The following SMC6 variants were observed in gnomAD, a reference collection of about 807,000 sequenced individuals.
SMC6 encodes structural maintenance of chromosomes 6.
In SMC6, 79 loss-of-function variants were observed where a neutral mutation model predicts 142.2. The observed-to-expected ratio is 0.56, with a 90% CI of 0.46 to 0.67. The LOEUF (loss-of-function observed/expected upper bound fraction) is 0.67, where lower values mean the gene tolerates loss of function less well. SMC6 is among the 30% of genes least tolerant of loss of function. The pLI is 0.00. For synonymous variants in SMC6, 411 were observed against 412.4 expected (o/e 1.00, Z 0.04); for missense variants, 1,072 against 1,284.0 (o/e 0.83, Z 2.52).
At chr2:17,728,692 T>G (rs1401220373) in intron 7 of SMC6, among the ~76,000 whole-genome samples, 1 of 152,164 alleles carries the variant, frequency 6.6e-6, no homozygotes, top group African/African-American at 2.4e-5. Context: ...AAATATCCCC[T>G]TCCCTCCTGG....
rs541690331 is a variant in SMC6 at position 17,743,551 on chromosome 2, G to A, written c.121-1822C>T. On this transcript the variant is annotated intron_variant, in intron 3 of 27. Coordinates refer to ENST00000448223, the MANE Select transcript of SMC6 (RefSeq NM_001142286.2). ...CTCATTATCAACATCCACTATCAGC[G>A]TGGTACATGTGTTACAGATGATGAA... Among the ~76,000 whole-genome samples, 13 of 152,100 alleles carry A rather than the reference G, an allele frequency of 8.5e-5. No homozygotes were observed. The South Asian group carries it at 1.9e-3, about 22-fold the overall frequency.
At chr2:17,675,855 T>C (rs1194856825) in intron 25 of SMC6, among the ~76,000 whole-genome samples, 5 of 152,168 alleles carry the variant, frequency 3.3e-5, no homozygotes, top group Non-Finnish European at 7.4e-5. Flanking sequence ...TCTTTATATT[T>C]ACCTCACTTG....
At position 17,718,216 on chromosome 2, in the gene SMC6, A is replaced by T; in HGVS notation, c.953T>A (p.Leu318His). 6.3e-7 allele frequency: 1 copy of T among 1,584,376 alleles called. No individual in the cohort carries two copies. The highest frequency in any genetic ancestry group is 8.6e-7 in the Non-Finnish European group (1 of 1,168,690). The change falls in exon 12 of 28, where the codon CTT becomes CAT. Residue 318 changes from leucine (L) to histidine (H), a missense_variant. By Grantham distance (99) the Leu-to-His change is moderately conservative (BLOSUM62 -3). Transcript: ENST00000448223. Reference protein sequence around the residue: ...DRKMEEQQVRLNEAEQKYKDI... With the variant: ...DRKMEEQQVRHNEAEQKYKDI... ...CTTGTACTTTTGTTCTGCCTCATTA[A>T]GTCTGACCTTTAAGAAAATAACATT...
intron 4 of SMC6, among the ~76,000 whole-genome samples, chr2:17,739,562 T>C (rs533870043): frequency 6.6e-6 from 1 of 152,148 alleles, no homozygotes; most frequent in South Asian, 2.1e-4. Flanking sequence ...GGAGGATTAC[T>C]TGAACCTGGG....
At chr2:17,747,917 G>A (rs1670836235) in intron 2 of SMC6, among the ~76,000 whole-genome samples, 1 of 152,190 alleles carries the variant, frequency 6.6e-6, no homozygotes. Flanking sequence ...ACTCATAAGT[G>A]AATGAGAGTG....
intron 2 of SMC6, among the ~76,000 whole-genome samples, chr2:17,747,210 T>C (rs1368654742): frequency 2.0e-5 from 3 of 152,180 alleles, no homozygotes; most frequent in Non-Finnish European, 2.9e-5. Context: ...AAAGGAGGCC[T>C]AGTGGAAAGT....
intron 9 of SMC6, among the ~76,000 whole-genome samples, chr2:17,722,239 T>A (rs1669405786): frequency 1.3e-5 from 2 of 152,050 alleles, no homozygotes; most frequent in African/African-American, 4.8e-5. Flanking sequence ...CCCTCAACAA[T>A]CTACAAATCT....
Position 17,716,894 on chromosome 2 carries a change from G to T in SMC6, c.1193C>A (p.Ser398Tyr). The change falls in exon 14 of 28, where the codon TCT becomes TAT. Residue 398 changes from serine (S) to tyrosine (Y), a missense_variant. Around this residue, in one of 3 missense-constraint regions of SMC6, gnomAD observed 994 missense variants for 1,153.2 expected, o/e 0.86. Transcript: ENST00000448223. The part of the protein sequence containing the change: ...IEELKKSTDQ[S>Y]LEPERLERQK... ...TCTTTCCAACCGTTCAGGTTCCAAA[G>T]ATTGGTCAGTACTAACAGTAAATAA... 3 of 1,609,510 alleles carry T rather than the reference G, an allele frequency of 1.9e-6. No homozygotes were observed. The highest frequency in any genetic ancestry group is 2.5e-6 in the Non-Finnish European group (3 of 1,178,818).
chr2:17,687,961 A>G (rs1373052007), intron 23 of SMC6, among the ~76,000 whole-genome samples: 2 of 152,156 alleles, frequency 1.3e-5, no homozygotes, highest in Non-Finnish European at 2.9e-5. Flanking sequence ...TTCTGTAGAT[A>G]TATATTGTGG....
chr2:17,700,645 ATT>A (rs1668222603), intron 20 of SMC6, among the ~76,000 whole-genome samples: 1 of 152,298 alleles, frequency 6.6e-6, no homozygotes, highest in South Asian at 2.1e-4. Context: ...CATTCTATTC[ATT>A]TTTTCCAAAC....
intron 15 of SMC6, among the ~76,000 whole-genome samples, chr2:17,715,288 G>C (rs1669027929): frequency 6.6e-6 from 1 of 151,994 alleles, no homozygotes; most frequent in Non-Finnish European, 1.5e-5. Context: ...TATACCCATA[G>C]GATACAATGG....
intron 17 of SMC6, among the ~76,000 whole-genome samples, chr2:17,707,961 A>G (rs1250159040): frequency 6.7e-6 from 1 of 149,208 alleles, no homozygotes; most frequent in Non-Finnish European, 1.5e-5. Flanking sequence ...GAACCCACAA[A>G]TAATTACAAT....
At position 17,705,128 on chromosome 2, in the gene SMC6, C is replaced by T. The variant is rs529243550; in HGVS notation, c.2007-1836G>A. Among the ~76,000 whole-genome samples the T allele has an allele frequency of 2.6e-5, 4 of 151,720 alleles. 1 individual carries two copies. The South Asian group carries it at 8.3e-4, about 32-fold the overall frequency. On this transcript the variant is annotated intron_variant, in intron 18 of 27. Transcript: ENST00000448223. ...CAGAAATTAGCCGGGTGTGGTGGCA[C>T]GTGCCTGTAGTCCCAGCTTCTCGGG...
At chr2:17,719,328 T>C (rs1669256442) in intron 11 of SMC6, among the ~76,000 whole-genome samples, 2 of 152,224 alleles carry the variant, frequency 1.3e-5, no homozygotes, top group African/African-American at 4.8e-5. Context: ...TTCAGAAACC[T>C]TCCATTTAAC....
chr2:17,746,201 T>C (rs1216082171), intron 2 of SMC6: 2 of 324,972 alleles, frequency 6.2e-6, no homozygotes, highest in Non-Finnish European at 1.1e-5. Flanking sequence ...TACTGACATC[T>C]GGATTTTAGC....
At chr2:17,724,209 T>C (rs16983805) in intron 9 of SMC6, among the ~76,000 whole-genome samples, 1 of 152,154 alleles carries the variant, frequency 6.6e-6, no homozygotes, top group Non-Finnish European at 1.5e-5. Context: ...TCCAAGAAAG[T>C]GTGCTTTAGT....
intron 16 of SMC6, among the ~76,000 whole-genome samples, chr2:17,711,821 A>G (rs77292629): frequency 0.013 from 1,984 of 152,236 alleles, 23 homozygotes; most frequent in East Asian, 0.031. Context: ...GTTTCACCAC[A>G]TTACCCAGGC....
At chr2:17,680,860 T>C (rs1275312504) in intron 24 of SMC6, 4 of 152,220 alleles carry the variant, frequency 2.6e-5, no homozygotes, top group Admixed American at 1.3e-4. Flanking sequence ...TAAATAAACA[T>C]TGGCTTAAAC....
At chr2:17,713,636 C>T in intron 16 of SMC6, 3 of 412,436 alleles carry the variant, frequency 7.3e-6, no homozygotes, top group South Asian at 3.6e-5. Context: ...TGGCATCCTT[C>T]AGCTAGTCAC....
Sources: allele counts gnomAD v4.1 joint callset (sites outside exome capture counted in the v4.1 genomes callset), GRCh38; gene constraint gnomAD v4.1.1; regional missense constraint gnomAD v4.1.1; transcripts MANE v1.5; gene names NCBI Gene and HGNC (gene_info 2026-07-23, HGNC 2026-07-21).